The following SECISBP2L variants were observed in gnomAD, a reference collection of about 807,000 sequenced individuals.
The protein encoded by SECISBP2L is selenocysteine insertion sequence-binding protein 2-like.
SECISBP2L carries 43 observed loss-of-function variants against 114.7 expected under a neutral mutation model. The observed-to-expected ratio is 0.38, with a 90% confidence interval of 0.29 to 0.48. The LOEUF (loss-of-function observed/expected upper bound fraction) is 0.48, where lower values mean the gene tolerates loss of function less well. Among genes scored for constraint, SECISBP2L ranks in the 20% least tolerant of loss-of-function variants. SECISBP2L has a pLI of 0.98. For synonymous variants in SECISBP2L, 451 were observed against 439.7 expected, an observed-to-expected ratio of 1.03 and a Z score of -0.32; for missense variants, 1,136 against 1,301.1, an observed-to-expected ratio of 0.87 and a Z score of 1.95.
chr15:49,018,618 T>C (rs1902583674), intron 8 of SECISBP2L, among the ~76,000 whole-genome samples: 1 of 152,158 alleles, frequency 6.6e-6, no homozygotes, highest in African/African-American at 2.4e-5. Flanking sequence ...CAGTTTAACC[T>C]CCCATCTATT....
rs1013402189 is a variant in SECISBP2L, at chr15:48,992,121, A to G, written c.*123T>C. 1.6e-5 allele frequency: 14 copies of G among 902,536 alleles called. No individual in the cohort carries two copies. The highest frequency in any genetic ancestry group is 2.3e-5 in the Non-Finnish European group (14 of 609,804). The allele number at this position is 902,536 out of a possible 1,614,324, so 55.9% of individuals were successfully genotyped here. A position where few individuals can be genotyped will look rare whatever the true frequency, so the allele number is the denominator to read the frequency against. ...ATCATAACAAGTAAAAGCTACAAAA[A>G]TATTTGTTGGGAATTAAATACGTAT... On this transcript the variant is annotated 3_prime_UTR_variant, in exon 18 of 18. Coordinates refer to ENST00000559471, the MANE Select transcript of SECISBP2L (RefSeq NM_001193489.2).
At position 48,996,594 on chromosome 15, in the gene SECISBP2L, G is replaced by GA; in HGVS notation, c.2404-9dup. The GA allele has an allele frequency of 6.2e-7, 1 of 1,607,496 alleles. No individual in the cohort carries two copies. Among genetic ancestry groups the GA allele is most frequent in the South Asian group, 1.1e-5 (1 of 89,824 alleles). The stretch of plus-strand genomic sequence containing the variant: ...TAATTTATTAAACAGGCTCTGAAAA[G>GA]AAAGAGTATTTTGATTAATCCATTT... On this transcript the variant is annotated splice_polypyrimidine_tract_variant and intron_variant, in intron 16 of 17. Transcript: ENST00000559471.
intron 8 of SECISBP2L, among the ~76,000 whole-genome samples, chr15:49,018,405 C>T (rs896848851): frequency 3.3e-5 from 5 of 151,938 alleles, no homozygotes; most frequent in South Asian, 2.1e-4. Flanking sequence ...TACAGGGACC[C>T]GCCACCATGC....
At chr15:48,993,206 T>C (rs1029067406) in intron 17 of SECISBP2L, among the ~76,000 whole-genome samples, 9 of 151,588 alleles carry the variant, frequency 5.9e-5, no homozygotes, top group African/African-American at 2.2e-4. Flanking sequence ...CACTGCAGCC[T>C]TGACCTCCTG....
At chr15:49,003,648 AG>A (rs1902256355) in intron 14 of SECISBP2L, among the ~76,000 whole-genome samples, 1 of 152,242 alleles carries the variant, frequency 6.6e-6, no homozygotes, top group Non-Finnish European at 1.5e-5. Context: ...TTTAGCACGA[AG>A]GGCTGTTGAA....
intron 1 of SECISBP2L, among the ~76,000 whole-genome samples, chr15:49,041,083 T>G (rs1041978256): frequency 6.6e-6 from 1 of 152,176 alleles, no homozygotes. Flanking sequence ...GAATAAGAAC[T>G]TTCATAGCAG....
intron 4 of SECISBP2L, among the ~76,000 whole-genome samples, chr15:49,031,813 T>C (rs1339137445): frequency 2.0e-5 from 3 of 152,198 alleles, no homozygotes; most frequent in African/African-American, 2.4e-5. Context: ...GTGGTTAAAA[T>C]AATAAGCAAC....
At chr15:49,039,148 G>T (rs1426745282) in intron 1 of SECISBP2L, among the ~76,000 whole-genome samples, 5 of 152,146 alleles carry the variant, frequency 3.3e-5, no homozygotes, top group Non-Finnish European at 2.9e-5. Flanking sequence ...CTCCCTACCT[G>T]ATTTGAGGTT....
intron 2 of SECISBP2L, among the ~76,000 whole-genome samples, chr15:49,036,350 G>C (rs1903006172): frequency 6.6e-6 from 1 of 152,132 alleles, no homozygotes; most frequent in Admixed American, 6.5e-5. Context: ...AATCAATATG[G>C]GGTCCTAAGG....
At chr15:49,009,682 T>A (rs890779399) in intron 13 of SECISBP2L, among the ~76,000 whole-genome samples, 3 of 151,664 alleles carry the variant, frequency 2.0e-5, no homozygotes, top group African/African-American at 7.3e-5. Flanking sequence ...GAGGTCAGCC[T>A]GAGAAACGTT....
chr15:48,996,985 A>AT (rs1212723485), intron 16 of SECISBP2L, among the ~76,000 whole-genome samples: 1 of 152,216 alleles, frequency 6.6e-6, no homozygotes, highest in African/African-American at 2.4e-5. Flanking sequence ...AATGCAAGGC[A>AT]TAACACCTTA....
chr15:48,991,361 CA>C lies in SECISBP2L; in HGVS notation c.*882del, dbSNP rs1381355052. Reference sequence around the variant, plus strand: ...ATATCTCAAATCAAGAGTCCTGAACCAGAAGCATGCAAGAGAACACACCAGT... The same window carrying C: ...ATATCTCAAATCAAGAGTCCTGAACCGAAGCATGCAAGAGAACACACCAGT... On this transcript the variant is annotated 3_prime_UTR_variant, in exon 18 of 18. Coordinates refer to ENST00000559471, the MANE Select transcript of SECISBP2L (RefSeq NM_001193489.2). 19 of 152,570 alleles carry C rather than the reference CA, an allele frequency of 1.2e-4. No homozygotes were observed. 9.5% of individuals were successfully genotyped at this position (152,570 alleles called of 1,614,324 possible). A position where few individuals can be genotyped will look rare whatever the true frequency, so the allele number is the denominator to read the frequency against.
chr15:49,007,128 T>C (rs762544758), intron 14 of SECISBP2L, among the ~76,000 whole-genome samples: 67 of 152,208 alleles, frequency 4.4e-4, no homozygotes, highest in Admixed American at 3.3e-3. Flanking sequence ...CAGCGGAGGC[T>C]ACAGAACAGC....
At chr15:49,010,496 G>GT (rs988334289) in intron 13 of SECISBP2L, among the ~76,000 whole-genome samples, 108 of 150,320 alleles carry the variant, frequency 7.2e-4, no homozygotes, top group Middle Eastern at 3.4e-3. Flanking sequence ...TACACATGGT[G>GT]TTTTTTTTTG....
At chr15:49,033,126 C>CA in intron 3 of SECISBP2L, 26 bp from the exon 4 acceptor site, 1 of 1,596,164 alleles carries the variant, frequency 6.3e-7, no homozygotes, top group Non-Finnish European at 8.5e-7. Flanking sequence ...AACAAAAAAA[C>CA]AAAAAACACA....
intron 6 of SECISBP2L, among the ~76,000 whole-genome samples, chr15:49,027,716 C>A (rs1902776034): frequency 6.6e-6 from 1 of 151,424 alleles, no homozygotes; most frequent in Non-Finnish European, 1.5e-5. Context: ...TCAAGCAATT[C>A]TCCTTCCTCA....
At chr15:49,009,170 C>T (rs1473260818) in intron 14 of SECISBP2L, 46 bp downstream of exon 14, 3 of 1,580,330 alleles carry the variant, frequency 1.9e-6, no homozygotes, top group African/African-American at 1.3e-5. Flanking sequence ...GAACTACAAT[C>T]AAGATCCTTA....
intron 11 of SECISBP2L, 21 bp downstream of exon 11, chr15:49,016,539 T>G: frequency 1.3e-6 from 2 of 1,568,372 alleles, no homozygotes; most frequent in Non-Finnish European, 1.7e-6. Flanking sequence ...AACAGCAAAT[T>G]GCTCAGACTA....
chr15:49,019,553 C>A lies in SECISBP2L; in HGVS notation c.1036-1G>T. The stretch of plus-strand genomic sequence containing the variant: ...TGTGTCCTCGGCATCTGAATCCAAC[C>A]TAAGTAAACCCCAGAGGGGAAAAAA... On this transcript the variant is annotated splice_acceptor_variant, in intron 7 of 17. Transcript: ENST00000559471. LOFTEE classifies it high-confidence loss of function. The A allele has an allele frequency of 5.5e-6, 8 of 1,464,530 alleles. No homozygotes were observed. Among genetic ancestry groups the A allele is most frequent in the Non-Finnish European group, 7.1e-6 (8 of 1,120,622 alleles). The allele number at this position is 1,464,530 out of a possible 1,614,324, so 90.7% of individuals were successfully genotyped here. A position where few individuals can be genotyped will look rare whatever the true frequency, so the allele number is the denominator to read the frequency against.
Sources: gnomAD v4.1 joint callset for allele counts (sites outside exome capture counted in the v4.1 genomes callset) on GRCh38, gnomAD v4.1.1 for gene constraint, MANE v1.5 for transcripts, NCBI Gene and HGNC (gene_info 2026-07-23, HGNC 2026-07-21) for gene names.